The following GPC3 variants were observed in gnomAD, a reference collection of about 807,000 sequenced individuals.
GPC3 encodes the protein glypican 3, also known as glypican-3.
GPC3 carries 3 observed loss-of-function variants against 34.4 expected under a neutral mutation model. That is an observed-to-expected ratio of 0.09 (90% CI 0.04 to 0.23). The LOEUF is 0.23. Among genes scored for constraint, GPC3 ranks in the 10% least tolerant of loss-of-function variants. GPC3 has a pLI of 1.00. For synonymous variants in GPC3, 177 were observed against 174.0 expected (o/e 1.02, Z -0.13); for missense variants, 351 against 445.6 (o/e 0.79, Z 1.91).
intron 3 of GPC3, among the ~76,000 whole-genome samples, chrX:133,735,701 A>C (rs748847950): frequency 7.2e-5 from 8 of 111,308 alleles, no homozygotes; most frequent in Non-Finnish European, 1.5e-4. Flanking sequence ...AGTGGCTCAC[A>C]CCTGTAATCC....
chrX:133,885,240 G>A (rs2076057247), intron 2 of GPC3, among the ~76,000 whole-genome samples: 1 of 111,805 alleles, frequency 8.9e-6, no homozygotes, highest in Non-Finnish European at 1.9e-5. Flanking sequence ...ACTTGTCATA[G>A]GATTACTACA....
At chrX:133,939,703 T>C (rs751601946) in intron 2 of GPC3, among the ~76,000 whole-genome samples, 3 of 112,281 alleles carry the variant, frequency 2.7e-5, no homozygotes, top group African/African-American at 6.5e-5. Context: ...AGGAAGCAAA[T>C]ACTATTTAAA....
rs768839630 is a variant in GPC3, at chrX:133,587,961, C to T, written c.1573+8479G>A. Reference sequence around the variant, plus strand: ...GACTCTGTAGAAGTGACGCCCTTCCCTTTAGATCTCAAACTTCAACAGTCT... The same window carrying T: ...GACTCTGTAGAAGTGACGCCCTTCCTTTTAGATCTCAAACTTCAACAGTCT... On this transcript the variant is annotated intron_variant, in intron 7 of 7. Coordinates refer to ENST00000370818, the MANE Select transcript of GPC3 (RefSeq NM_004484.4). Among the ~76,000 whole-genome samples the T allele has an allele frequency of 2.7e-5, 3 of 111,661 alleles. No individual in the cohort carries two copies. In the East Asian group the frequency reaches 8.5e-4, roughly 32 times the overall value.
chrX:133,770,986 C>T (rs982879038), intron 2 of GPC3, among the ~76,000 whole-genome samples: 1 of 111,436 alleles, frequency 9.0e-6, no homozygotes, highest in African/African-American at 3.3e-5. Flanking sequence ...TAACTCCATT[C>T]GGACAGATGG....
rs1203009272 is a variant in GPC3 at position 133,661,825 on chromosome X, C to T, written c.1318G>A (p.Gly440Arg). 1 of 1,195,341 alleles carries T rather than the reference C, an allele frequency of 8.4e-7. No individual in the cohort carries two copies. The highest frequency in any genetic ancestry group is 2.2e-5 in the Admixed American group (1 of 45,678). The change falls in exon 6 of 8, where the codon GGA (glycine) becomes AGA (arginine). Residue 440 changes from glycine (G) to arginine (R), a missense_variant. Gly to Arg is a moderately radical substitution (Grantham distance 125, BLOSUM62 -2). Transcript: ENST00000370818. ...ERYSQKAARN[G>R]MKNQFNLHEL... Reference sequence around the variant, plus strand: ...TGGAGATTGAACTGGTTTTTCATTCCATTCCTTGCTGCCTTTTGGCTGTAT... The same window carrying T: ...TGGAGATTGAACTGGTTTTTCATTCTATTCCTTGCTGCCTTTTGGCTGTAT...
intron 3 of GPC3, among the ~76,000 whole-genome samples, chrX:133,745,421 C>T (rs1170769614): frequency 8.9e-6 from 1 of 112,515 alleles, no homozygotes; most frequent in Non-Finnish European, 1.9e-5. Context: ...CACTTAGCAA[C>T]ACAAAACTCC....
chrX:133,926,609 T>C (rs938480705), intron 2 of GPC3, among the ~76,000 whole-genome samples: 1 of 112,272 alleles, frequency 8.9e-6, no homozygotes, highest in African/African-American at 3.2e-5. Flanking sequence ...GGAGATCATG[T>C]CCATAGACAG....
At chrX:133,937,573 A>T (rs2076328641) in intron 2 of GPC3, among the ~76,000 whole-genome samples, 1 of 111,154 alleles carries the variant, frequency 9.0e-6, no homozygotes, top group African/African-American at 3.3e-5. Context: ...TTTTTGTAAA[A>T]AAAAAAACCT....
intron 2 of GPC3, among the ~76,000 whole-genome samples, chrX:133,818,571 C>T (rs977106017): frequency 9.0e-6 from 1 of 111,477 alleles, no homozygotes; most frequent in Non-Finnish European, 1.9e-5. Context: ...CACCAAACAC[C>T]CTGAATTCCT....
At chrX:133,597,552 T>G (rs1248353410) in intron 6 of GPC3, among the ~76,000 whole-genome samples, 1 of 111,337 alleles carries the variant, frequency 9.0e-6, no homozygotes. Flanking sequence ...GTGGAAGAGG[T>G]ATCCAGAAAG....
At chrX:133,860,506 G>A (rs1041591717) in intron 2 of GPC3, among the ~76,000 whole-genome samples, 2 of 111,711 alleles carry the variant, frequency 1.8e-5, no homozygotes, top group South Asian at 3.8e-4. Flanking sequence ...GAGTGCTTAC[G>A]TCCAGGCTCT....
intron 3 of GPC3, among the ~76,000 whole-genome samples, chrX:133,739,833 A>C (rs762619619): frequency 8.9e-6 from 1 of 112,233 alleles, no homozygotes; most frequent in African/African-American, 3.2e-5. Flanking sequence ...CAGTGAGCCG[A>C]GACGGCGCCA....
chrX:133,854,802 T>C lies in GPC3; in HGVS notation c.337+98248A>G, dbSNP rs768071864. Among the ~76,000 whole-genome samples the C allele has an allele frequency of 2.1e-3, 238 of 112,436 alleles. 1 individual carries two copies. Among genetic ancestry groups the C allele is most frequent in the Non-Finnish European group, 3.7e-3 (196 of 53,298 alleles). On this transcript the variant is annotated intron_variant, in intron 2 of 7. Transcript: ENST00000370818. Reference sequence around the variant, plus strand: ...GAATGTAGTGACACAGGTCCTCTTATACACTGCTAGTGAAAATAAGAAATA... The same window carrying C: ...GAATGTAGTGACACAGGTCCTCTTACACACTGCTAGTGAAAATAAGAAATA...
chrX:133,877,641 T>C (rs990369971), intron 2 of GPC3, among the ~76,000 whole-genome samples: 1 of 112,201 alleles, frequency 8.9e-6, no homozygotes, highest in Non-Finnish European at 1.9e-5. Flanking sequence ...GAATGTTAAT[T>C]ATAGCATGAG....
intron 2 of GPC3, among the ~76,000 whole-genome samples, chrX:133,809,690 T>C (rs2075655163): frequency 8.9e-6 from 1 of 112,002 alleles, no homozygotes; most frequent in Admixed American, 9.5e-5. Flanking sequence ...AAATGATTAT[T>C]GAGCTATACA....
chrX:133,754,475 A>G (rs1737765806), intron 2 of GPC3, among the ~76,000 whole-genome samples: 1 of 112,482 alleles, frequency 8.9e-6, no homozygotes, highest in Non-Finnish European at 1.9e-5. Flanking sequence ...TCGGCCTTTC[A>G]TGAAAATATT....
At chrX:133,712,047 G>A (rs2071273928) in intron 3 of GPC3, among the ~76,000 whole-genome samples, 1 of 111,912 alleles carries the variant, frequency 8.9e-6, no homozygotes, top group African/African-American at 3.2e-5. Context: ...CTTATTGGAC[G>A]TATTATACAA....
intron 2 of GPC3, among the ~76,000 whole-genome samples, chrX:133,857,855 A>G (rs942362266): frequency 8.9e-6 from 1 of 112,400 alleles, no homozygotes; most frequent in African/African-American, 3.2e-5. Context: ...CCTTTTGACA[A>G]TTATTCCTGA....
chrX:133,618,154 T>C (rs2070187343), intron 6 of GPC3, among the ~76,000 whole-genome samples: 1 of 112,073 alleles, frequency 8.9e-6, no homozygotes, highest in South Asian at 3.7e-4. Flanking sequence ...GAAAGTACAA[T>C]ACACATGAAT....
Sources: allele counts gnomAD v4.1 joint callset (sites outside exome capture counted in the v4.1 genomes callset), GRCh38; gene constraint gnomAD v4.1.1; transcripts MANE v1.5; gene names NCBI Gene and HGNC (gene_info 2026-07-23, HGNC 2026-07-21).